SP100: variants seen among roughly 807,000 people sequenced by gnomAD.
The protein encoded by SP100 is SP100 nuclear body protein, also known as nuclear autoantigen Sp-100.
A neutral mutation model predicts 130.0 loss-of-function variants in SP100; 84 were observed. The ratio of observed to expected loss-of-function variants is 0.65; its 90% confidence interval spans 0.54 to 0.77. SP100 has a LOEUF of 0.77. Ranked by LOEUF, SP100 falls within the 30% of genes least tolerant of loss-of-function variation. SP100 has a pLI of 0.00. For synonymous variants in SP100, 331 were observed against 351.7 expected (o/e 0.94, Z 0.66); for missense variants, 978 against 1,052.2 (o/e 0.93, Z 0.97).
intron 24 of SP100, among the ~76,000 whole-genome samples, chr2:230,532,793 A>AT (rs1170255284): frequency 1.3e-5 from 2 of 151,876 alleles, no homozygotes; most frequent in African/African-American, 4.8e-5. Flanking sequence ...TTATTTATTT[A>AT]TTTTTGAGAC....
At chr2:230,530,746 A>G (rs567744847) in intron 24 of SP100, among the ~76,000 whole-genome samples, 1 of 152,314 alleles carries the variant, frequency 6.6e-6, no homozygotes, top group South Asian at 2.1e-4. Context: ...CAACCCCATC[A>G]AAAAGTGGGC....
chr2:230,436,360 T>C (rs1006005873), intron 2 of SP100, among the ~76,000 whole-genome samples: 1 of 152,150 alleles, frequency 6.6e-6, no homozygotes, highest in East Asian at 1.9e-4. Context: ...CATCTTGAAT[T>C]GTAATCCCCG....
chr2:230,416,585 C>A (rs769652039), intron 1 of SP100, among the ~76,000 whole-genome samples: 4 of 152,118 alleles, frequency 2.6e-5, no homozygotes, highest in African/African-American at 7.2e-5. Context: ...GCTCAGCTGA[C>A]CGGGACACTC....
chr2:230,446,839 C>A lies in SP100; in HGVS notation c.460C>A (p.Leu154Ile). Reference sequence around the variant, plus strand: ...TTCAGTAATCCATGACAAATTGCCTCTCCAAGAAAGTGAAGAAGAAGAGAG... The same window carrying A: ...TTCAGTAATCCATGACAAATTGCCTATCCAAGAAAGTGAAGAAGAAGAGAG... ...FENVIHDKLP[L>I]QESEEEEREE... Residue 154 changes from leucine (L) to isoleucine (I), a missense_variant, in exon 5 of 29, where the codon CTC becomes ATC. Physicochemically the swap from Leu to Ile is conservative, Grantham distance 5. Coordinates refer to ENST00000340126, the MANE Select transcript of SP100 (RefSeq NM_001080391.2). 6.2e-7 allele frequency: 1 copy of A among 1,611,022 alleles called. No homozygotes were observed. Among genetic ancestry groups the A allele is most frequent in the Non-Finnish European group, 8.5e-7 (1 of 1,177,544 alleles).
At position 230,467,166 on chromosome 2, in the gene SP100, G is replaced by T. The variant is rs762080146; in HGVS notation, c.1242G>T (p.Ala414=). 2 of 1,613,782 alleles carry T rather than the reference G, an allele frequency of 1.2e-6. No individual in the cohort carries two copies. The highest frequency in any genetic ancestry group is 2.2e-5 in the East Asian group (1 of 44,886). The change falls in exon 13 of 29, where the codon GCG becomes GCT. Residue 414 remains alanine (A), a synonymous_variant. Coordinates refer to ENST00000340126, the MANE Select transcript of SP100 (RefSeq NM_001080391.2). ...HDFSESSEEE[A]PAEASSGALR... is the part of the protein sequence containing the mutation. ...TTTCAGAATCCAGTGAGGAGGAGGCGCCCGCAGAAGCCTCGAGCGGGGCAC... is the reference window on the plus strand; with the variant it reads ...TTTCAGAATCCAGTGAGGAGGAGGCTCCCGCAGAAGCCTCGAGCGGGGCAC...
rs545505051 is a variant in SP100, at chr2:230,531,576, A to T, written c.2095-7691A>T. On this transcript the variant is annotated intron_variant, in intron 24 of 28. Coordinates refer to ENST00000340126, the MANE Select transcript of SP100 (RefSeq NM_001080391.2). ...AAAAGAAAAATAAATTAATTAATTT[A>T]AAAAAAGAAATACATTGGCAGTTTG... 1.3e-3 allele frequency among the ~76,000 whole-genome samples: 197 copies of T among 152,334 alleles called. 1 individual carries two copies. The highest frequency in any genetic ancestry group is 4.4e-3 in the African/African-American group (181 of 41,574).
At chr2:230,490,473 G>A (rs1284006330) in intron 17 of SP100, among the ~76,000 whole-genome samples, 2 of 152,060 alleles carry the variant, frequency 1.3e-5, no homozygotes, top group South Asian at 2.1e-4. Flanking sequence ...TTTAATTGGG[G>A]CATTTAGCCC....
At chr2:230,522,681 G>A (rs886748181) in intron 24 of SP100, among the ~76,000 whole-genome samples, 15 of 151,278 alleles carry the variant, frequency 9.9e-5, no homozygotes, top group African/African-American at 3.4e-4. Context: ...GTAGGGACAG[G>A]GTTTTGCAGT....
chr2:230,464,801 AGTCATTTATGACCAGGC>A (rs1389400112), intron 11 of SP100, among the ~76,000 whole-genome samples: 2 of 152,154 alleles, frequency 1.3e-5, no homozygotes, highest in Non-Finnish European at 2.9e-5. Flanking sequence ...GGTGTTTAAG[AGTCATTTATGACCAGGC>A]GCAGTGGCTC....
chr2:230,542,926 A>C lies in SP100; in HGVS notation c.2638A>C (p.Asn880His). 1 of 1,595,366 alleles carries C rather than the reference A, an allele frequency of 6.3e-7. No homozygotes were observed. Among genetic ancestry groups the C allele is most frequent in the East Asian group, 2.2e-5 (1 of 44,774 alleles). Residue 880 changes from asparagine to histidine, a missense_variant, in exon 29 of 29, where the codon AAC (asparagine) becomes CAC (histidine). By Grantham distance (68) the Asn-to-His change is moderately conservative. Coordinates refer to ENST00000340126, the MANE Select transcript of SP100 (RefSeq NM_001080391.2). ...NIFAIQETSK[N>H]IIMFI Reference sequence around the variant, plus strand: ...TTTTGCAATTCAGGAAACAAGCAAGAACATTATAATGTTTATTTAGCCATT... The same window carrying C: ...TTTTGCAATTCAGGAAACAAGCAAGCACATTATAATGTTTATTTAGCCATT...
rs115322094 is a variant in SP100 at position 230,465,923 on chromosome 2, G to T, written c.1142-378G>T. 2.8e-3 allele frequency among the ~76,000 whole-genome samples: 432 copies of T among 152,176 alleles called. 3 individuals carry two copies. Among genetic ancestry groups the T allele is most frequent in the African/African-American group, 9.8e-3 (407 of 41,524 alleles). On this transcript the variant is annotated intron_variant, in intron 11 of 28. Transcript: ENST00000340126. The stretch of plus-strand genomic sequence containing the variant: ...TTATTGGCAGGGCACGATGGCTCAG[G>T]TCTGTAATCCCAGCATTTTGGGAGG...
intron 19 of SP100, among the ~76,000 whole-genome samples, chr2:230,500,724 T>C (rs2066972606): frequency 6.6e-6 from 1 of 152,022 alleles, no homozygotes; most frequent in African/African-American, 2.4e-5. Context: ...ACCTGCAACT[T>C]GAGCATCATG....
intron 17 of SP100, among the ~76,000 whole-genome samples, chr2:230,476,146 G>T (rs1021141162): frequency 1.3e-5 from 2 of 152,136 alleles, no homozygotes; most frequent in Non-Finnish European, 2.9e-5. Context: ...CATTCAAACT[G>T]TATTGATTCT....
At chr2:230,421,849 G>A (rs2062777624) in intron 2 of SP100, among the ~76,000 whole-genome samples, 1 of 152,008 alleles carries the variant, frequency 6.6e-6, no homozygotes. Context: ...CATTTGTTGT[G>A]CTTTGCTCTC....
intron 17 of SP100, among the ~76,000 whole-genome samples, chr2:230,475,290 G>C (rs185268320): frequency 2.2e-4 from 33 of 152,276 alleles, no homozygotes; most frequent in Non-Finnish European, 3.4e-4. Context: ...CTGATGATTA[G>C]TAATGTTGGG....
intron 17 of SP100, among the ~76,000 whole-genome samples, chr2:230,485,747 T>C (rs1222358231): frequency 2.6e-5 from 4 of 152,236 alleles, no homozygotes; most frequent in Non-Finnish European, 2.9e-5. Context: ...GGGTTTTACT[T>C]TGTAATTCAG....
chr2:230,501,326 C>T (rs1165380313), intron 19 of SP100, among the ~76,000 whole-genome samples: 9 of 152,162 alleles, frequency 5.9e-5, no homozygotes, highest in African/African-American at 1.7e-4. Context: ...TGGGTTTAGT[C>T]ATCTCTCCTC....
intron 5 of SP100, 65 bp from the exon 6 acceptor site, chr2:230,449,023 T>C (rs2149921281): frequency 9.9e-7 from 1 of 1,013,906 alleles, no homozygotes; most frequent in East Asian, 2.4e-5. Context: ...CAAAAAGGGA[T>C]TAGGGGAGAA....
intron 22 of SP100, 95 bp from the exon 23 acceptor site, chr2:230,507,889 TAGTGGGATA>T: frequency 6.4e-6 from 6 of 940,202 alleles, no homozygotes; most frequent in Non-Finnish European, 9.8e-6. Context: ...TTTGAGTTAA[TAGTGGGATA>T]TCCAGGTAGG....
Sources: gnomAD v4.1 joint callset for allele counts (sites outside exome capture counted in the v4.1 genomes callset) on GRCh38, gnomAD v4.1.1 for gene constraint, MANE v1.5 for transcripts, NCBI Gene and HGNC (gene_info 2026-07-23, HGNC 2026-07-21) for gene names.